Variants in SGCZ observed in about 807,000 individuals in gnomAD.
SGCZ encodes the protein sarcoglycan zeta, also known as zeta-sarcoglycan.
SGCZ carries 40 observed loss-of-function variants against 41.3 expected under a neutral mutation model. The ratio of observed to expected loss-of-function variants is 0.97; its 90% CI spans 0.75 to 1.26. The LOEUF is 1.26. Ranked by LOEUF, SGCZ falls within the 50% of genes most tolerant of loss-of-function variation. The pLI is 0.00. For synonymous variants in SGCZ, 206 were observed against 137.5 expected, an observed-to-expected ratio of 1.50 and a Z score of -3.49; for missense variants, 552 against 369.8, an observed-to-expected ratio of 1.49 and a Z score of -4.04.
In SGCZ at chr8:14,440,885, ATGAG is replaced by A. The variant is rs1309169599; in HGVS notation, c.234+113843_234+113846del. Among the ~76,000 whole-genome samples, 4 of 152,072 alleles carry A rather than the reference ATGAG, an allele frequency of 2.6e-5. 1 individual carries two copies. The highest frequency in any genetic ancestry group is 2.1e-4 in the South Asian group (1 of 4,818). On this transcript the variant is annotated intron_variant, in intron 2 of 7. Transcript: ENST00000382080. ...CACACACACACACGCACACACATAC[ATGAG>A]TAAGACTAGGGGTTTACGTAAATTT... is the stretch of plus-strand genomic sequence containing the variant.
intron 1 of SGCZ, among the ~76,000 whole-genome samples, chr8:14,594,246 T>C (rs1805336286): frequency 6.6e-6 from 1 of 151,532 alleles, no homozygotes; most frequent in African/African-American, 2.4e-5. Flanking sequence ...AAAATACAAA[T>C]GGCTGAACCC....
Position 14,244,269 on chromosome 8 carries a change from T to C in SGCZ, c.337-6590A>G, listed in dbSNP as rs548565360. ...CTCCTCCTTCTCTTCCTTCTTCCTCTTCCTCATTCTTCTTCTTTTTCTTCC... is the reference window on the plus strand; with the variant it reads ...CTCCTCCTTCTCTTCCTTCTTCCTCCTCCTCATTCTTCTTCTTTTTCTTCC... On this transcript the variant is annotated intron_variant, in intron 3 of 7. Coordinates refer to ENST00000382080, the MANE Select transcript of SGCZ (RefSeq NM_139167.4). Among the ~76,000 whole-genome samples, 13 of 152,024 alleles carry C rather than the reference T, an allele frequency of 8.6e-5. No homozygotes were observed. The East Asian group carries it at 2.5e-3, about 30-fold the overall frequency.
rs560165039 is a variant in SGCZ at position 14,719,272 on chromosome 8, G to C, written c.40-164346C>G. On this transcript the variant is annotated intron_variant, in intron 1 of 7. Transcript: ENST00000382080. Reference sequence around the variant, plus strand: ...CTATCATGGTTGGACATTTGGCTTGGTTCCAAGTCTTTGCTATTGTGAATA... The same window carrying C: ...CTATCATGGTTGGACATTTGGCTTGCTTCCAAGTCTTTGCTATTGTGAATA... Among the ~76,000 whole-genome samples the C allele has an allele frequency of 3.8e-3, 572 of 148,904 alleles. 6 individuals are homozygous for C. The highest frequency in any genetic ancestry group is 0.011 in the Admixed American group (159 of 14,900).
chr8:14,356,698 G>C (rs1400939086), intron 2 of SGCZ, among the ~76,000 whole-genome samples: 1 of 151,714 alleles, frequency 6.6e-6, no homozygotes, highest in African/African-American at 2.4e-5. Flanking sequence ...GATAGAATTT[G>C]GAAAAAATTA....
chr8:14,171,043 G>T (rs1804363752), intron 4 of SGCZ, among the ~76,000 whole-genome samples: 1 of 151,312 alleles, frequency 6.6e-6, no homozygotes, highest in Non-Finnish European at 1.5e-5. Flanking sequence ...ATTTATGGAA[G>T]GTATGTGGGT....
At chr8:14,561,028 T>C (rs937200160) in intron 1 of SGCZ, among the ~76,000 whole-genome samples, 20 of 152,140 alleles carry the variant, frequency 1.3e-4, no homozygotes, top group African/African-American at 4.3e-4. Context: ...GGTTAGACTT[T>C]TCTTTTAAAA....
chr8:14,199,667 C>A (rs1805392057), intron 4 of SGCZ, among the ~76,000 whole-genome samples: 1 of 152,046 alleles, frequency 6.6e-6, no homozygotes, highest in Admixed American at 6.6e-5. Flanking sequence ...TGTACTCTGT[C>A]CCTTTATTTC....
At chr8:14,536,263 T>C (rs1191997611) in intron 2 of SGCZ, among the ~76,000 whole-genome samples, 2 of 151,884 alleles carry the variant, frequency 1.3e-5, no homozygotes, top group Admixed American at 6.6e-5. Flanking sequence ...TTCATTCATG[T>C]TGATAAGAAA....
At chr8:14,184,448 A>G (rs1275048865) in intron 4 of SGCZ, among the ~76,000 whole-genome samples, 2 of 152,176 alleles carry the variant, frequency 1.3e-5, no homozygotes, top group African/African-American at 4.8e-5. Context: ...TTAAACATCC[A>G]CTATATTTCA....
intron 1 of SGCZ, among the ~76,000 whole-genome samples, chr8:14,694,575 A>C (rs961844268): frequency 1.3e-5 from 2 of 152,300 alleles, no homozygotes; most frequent in Admixed American, 1.3e-4. Flanking sequence ...GCCTAAATAG[A>C]GCCTGCTCTG....
At chr8:14,672,561 C>G (rs1417560535) in intron 1 of SGCZ, among the ~76,000 whole-genome samples, 1 of 152,142 alleles carries the variant, frequency 6.6e-6, no homozygotes, top group Non-Finnish European at 1.5e-5. Flanking sequence ...TAGCCACCTA[C>G]AGTAGGTGCT....
In SGCZ at chr8:14,989,925, G is replaced by C. The variant is rs73203319; in HGVS notation, c.39+247660C>G. Among the ~76,000 whole-genome samples, 766 of 152,290 alleles carry C rather than the reference G, an allele frequency of 5.0e-3. 2 individuals are homozygous for C. The highest frequency in any genetic ancestry group is 8.5e-3 in the Non-Finnish European group (577 of 68,024). On this transcript the variant is annotated intron_variant, in intron 1 of 7. Transcript: ENST00000382080. ...AGACAAGTGAACTGTCCTGGGTTAG[G>C]AACTCTTCCTTCTACGTGTAGGGAT...
chr8:14,870,361 G>T (rs112037669), intron 1 of SGCZ, among the ~76,000 whole-genome samples: 1,929 of 152,106 alleles, frequency 0.013, 19 homozygotes, highest in African/African-American at 0.031. Flanking sequence ...TAATAAATGT[G>T]GTTGGGAAAA....
chr8:15,099,835 G>C (rs984425995), intron 1 of SGCZ, among the ~76,000 whole-genome samples: 1 of 151,964 alleles, frequency 6.6e-6, no homozygotes, highest in South Asian at 2.1e-4. Flanking sequence ...ACATTAACAG[G>C]CTAAAGAGGA....
rs139251733 is a variant in SGCZ, at chr8:14,729,809, G to C, written c.40-174883C>G. Among the ~76,000 whole-genome samples the C allele has an allele frequency of 5.0e-3, 760 of 152,306 alleles. 9 individuals carry two copies. Among genetic ancestry groups the C allele is most frequent in the African/African-American group, 0.017 (688 of 41,552 alleles). On this transcript the variant is annotated intron_variant, in intron 1 of 7. Transcript: ENST00000382080. Reference sequence around the variant, plus strand: ...AAAATATAGTGCCTTTTAAGGGAAGGCATGGTGGCTCACACCTGTAATCCT... The same window carrying C: ...AAAATATAGTGCCTTTTAAGGGAAGCCATGGTGGCTCACACCTGTAATCCT...
chr8:14,786,099 G>A (rs754938663), intron 1 of SGCZ, among the ~76,000 whole-genome samples: 1 of 152,016 alleles, frequency 6.6e-6, no homozygotes, highest in Non-Finnish European at 1.5e-5. Context: ...AAAAAAATGA[G>A]ATTATTATTT....
chr8:14,091,201 G>C (rs900620350), intron 7 of SGCZ, among the ~76,000 whole-genome samples: 6 of 151,648 alleles, frequency 4.0e-5, no homozygotes, highest in Non-Finnish European at 7.4e-5. Flanking sequence ...ATTCCATGGT[G>C]TATATGTGCT....
At chr8:14,815,829 A>C (rs1244790939) in intron 1 of SGCZ, among the ~76,000 whole-genome samples, 1 of 152,226 alleles carries the variant, frequency 6.6e-6, no homozygotes, top group Non-Finnish European at 1.5e-5. Context: ...GTTATGTGTG[A>C]AAACACAGGA....
chr8:14,858,455 T>C (rs540766695), intron 1 of SGCZ, among the ~76,000 whole-genome samples: 4 of 152,300 alleles, frequency 2.6e-5, no homozygotes, highest in South Asian at 2.1e-4. Flanking sequence ...TGCAGTGTGT[T>C]GTTTTAGTTG....
Sources: gnomAD v4.1 joint callset for allele counts (sites outside exome capture counted in the v4.1 genomes callset) on GRCh38, gnomAD v4.1.1 for gene constraint, MANE v1.5 for transcripts, NCBI Gene and HGNC (gene_info 2026-07-23, HGNC 2026-07-21) for gene names.